Variants in CEP112 observed in about 807,000 individuals in gnomAD.
CEP112 encodes centrosomal protein 112.
A neutral mutation model predicts 153.0 loss-of-function variants in CEP112; 127 were observed. The ratio of observed to expected loss-of-function variants is 0.83; its 90% CI spans 0.72 to 0.96. The LOEUF (loss-of-function observed/expected upper bound fraction) is 0.96, where lower values mean the gene tolerates loss of function less well. Among genes scored for constraint, CEP112 ranks in the 40% least tolerant of loss-of-function variants. CEP112 has a pLI of 0.00. For synonymous variants in CEP112, 358 were observed against 374.4 expected (o/e 0.96, Z 0.51); for missense variants, 1,089 against 1,101.2 (o/e 0.99, Z 0.16).
chr17:65,965,532 T>G, intron 17 of CEP112, among the ~76,000 whole-genome samples: 1 of 149,902 alleles, frequency 6.7e-6, no homozygotes, highest in African/African-American at 2.5e-5. Flanking sequence ...TTTTTTTTTT[T>G]TTTTCTTTGA....
chr17:66,031,228 G>A (rs11655503), intron 12 of CEP112, among the ~76,000 whole-genome samples: 10,365 of 151,974 alleles, frequency 0.068, 363 homozygotes, highest in African/African-American at 0.075. Flanking sequence ...TATGTCCTGC[G>A]TATTCATTAA....
intron 23 of CEP112, among the ~76,000 whole-genome samples, chr17:65,707,825 CAAGGTG>C (rs2048993190): frequency 6.6e-6 from 1 of 152,154 alleles, no homozygotes; most frequent in Admixed American, 6.5e-5. Context: ...AGACAATGTG[CAAGGTG>C]AATCAGAACT....
At chr17:65,822,532 TTA>T (rs2056643338) in intron 21 of CEP112, among the ~76,000 whole-genome samples, 2 of 152,348 alleles carry the variant, frequency 1.3e-5, no homozygotes, top group African/African-American at 4.8e-5. Context: ...TGTTATATTG[TTA>T]TTTTTATATT....
At chr17:65,783,893 A>G (rs916613121) in intron 21 of CEP112, among the ~76,000 whole-genome samples, 4 of 152,234 alleles carry the variant, frequency 2.6e-5, no homozygotes, top group Non-Finnish European at 4.4e-5. Flanking sequence ...GCAGTAAAGC[A>G]TGTGGTTAAC....
intron 21 of CEP112, among the ~76,000 whole-genome samples, chr17:65,810,468 G>A (rs1453021173): frequency 6.6e-6 from 1 of 152,066 alleles, no homozygotes; most frequent in East Asian, 1.9e-4. Context: ...TAGTGTTCAA[G>A]ATAATGGAAT....
chr17:66,028,466 T>G, intron 14 of CEP112, 61 bp from the exon 15 acceptor site: 1 of 941,358 alleles, frequency 1.1e-6, no homozygotes, highest in Admixed American at 2.5e-5. Flanking sequence ...TATTATACTT[T>G]CTGATTGAAA....
intron 1 of CEP112, among the ~76,000 whole-genome samples, chr17:66,185,809 A>G (rs2072909317): frequency 6.6e-6 from 1 of 152,198 alleles, no homozygotes; most frequent in Non-Finnish European, 1.5e-5. Context: ...GTTCTGCCTC[A>G]TAAGCTATCT....
intron 16 of CEP112, among the ~76,000 whole-genome samples, chr17:66,013,136 T>A (rs1466006510): frequency 6.7e-6 from 1 of 149,062 alleles, no homozygotes; most frequent in Non-Finnish European, 1.5e-5. Context: ...TTTATTTTAT[T>A]CCTTATAATC....
chr17:66,179,936 A>G (rs230560), intron 2 of CEP112, among the ~76,000 whole-genome samples: 92 of 152,330 alleles, frequency 6.0e-4, no homozygotes, highest in African/African-American at 2.1e-3. Flanking sequence ...TCCAGCATTA[A>G]TTGAAATGAT....
At chr17:66,117,946 A>G (rs927356444) in intron 6 of CEP112, among the ~76,000 whole-genome samples, 3 of 152,206 alleles carry the variant, frequency 2.0e-5, no homozygotes, top group African/African-American at 7.2e-5. Flanking sequence ...AATGCAAATC[A>G]AAACCATAAT....
chr17:66,099,504 C>CAA lies in CEP112; in HGVS notation c.643-2874_643-2873dup, dbSNP rs71160532. ...GGGTGACAAGAATGAAACTCTGTCTCAAAAAAAAAAAAAAAAAAAAGAATA... is the reference window on the plus strand; with the variant it reads ...GGGTGACAAGAATGAAACTCTGTCTCAAAAAAAAAAAAAAAAAAAAAAGAATA... On this transcript the variant is annotated intron_variant, in intron 6 of 26. Coordinates refer to ENST00000535342, the MANE Select transcript of CEP112 (RefSeq NM_001199165.4). Among the ~76,000 whole-genome samples, 5,312 of 113,556 alleles carry CAA rather than the reference C, an allele frequency of 0.047. 663 individuals are homozygous for CAA. In the East Asian group the frequency reaches 0.57, roughly 12 times the overall value. The allele number at this position is 113,556 out of a possible 152,430, so 74.5% of individuals were successfully genotyped here. A position where few individuals can be genotyped will look rare whatever the true frequency, so the allele number is the denominator to read the frequency against.
rs143888305 is a variant in CEP112 at position 65,910,543 on chromosome 17, A to G, written c.1981-8209T>C. On this transcript the variant is annotated intron_variant, in intron 19 of 26. Coordinates refer to ENST00000535342, the MANE Select transcript of CEP112 (RefSeq NM_001199165.4). ...AAGAACATGAGTGTAATGAAAGAATAATGCAAGGATAACAAGATAAAACAA... is the reference window on the plus strand; with the variant it reads ...AAGAACATGAGTGTAATGAAAGAATGATGCAAGGATAACAAGATAAAACAA... Among the ~76,000 whole-genome samples the G allele has an allele frequency of 1.3e-3, 192 of 152,336 alleles. 3 individuals are homozygous for G. The Middle Eastern group carries it at 0.014, about 11-fold the overall frequency.
chr17:65,856,998 G>A (rs1284095173), intron 20 of CEP112, among the ~76,000 whole-genome samples: 2 of 152,176 alleles, frequency 1.3e-5, no homozygotes, highest in African/African-American at 4.8e-5. Context: ...CCTCAATAAA[G>A]CAAATATTGC....
At chr17:65,853,845 C>T (rs1223542908) in intron 20 of CEP112, among the ~76,000 whole-genome samples, 1 of 152,136 alleles carries the variant, frequency 6.6e-6, no homozygotes, top group African/African-American at 2.4e-5. Flanking sequence ...CTTCTAATTG[C>T]ACTGTGGCCA....
intron 21 of CEP112, among the ~76,000 whole-genome samples, chr17:65,772,872 G>C (rs2053457101): frequency 6.7e-6 from 1 of 150,354 alleles, no homozygotes; most frequent in Non-Finnish European, 1.5e-5. Context: ...TCCATAAGGA[G>C]GTGAATATTA....
chr17:65,870,924 T>A (rs1456121180), intron 20 of CEP112, among the ~76,000 whole-genome samples: 1 of 152,230 alleles, frequency 6.6e-6, no homozygotes, highest in African/African-American at 2.4e-5. Context: ...CCCTCTCCAC[T>A]TACTGTACTT....
At chr17:65,959,517 T>C (rs915447871) in intron 18 of CEP112, among the ~76,000 whole-genome samples, 4 of 152,228 alleles carry the variant, frequency 2.6e-5, no homozygotes, top group African/African-American at 9.6e-5. Context: ...GCTCGCCTTG[T>C]TGAAGGCAAA....
At chr17:66,017,162 T>C (rs2064808455) in intron 16 of CEP112, among the ~76,000 whole-genome samples, 1 of 152,230 alleles carries the variant, frequency 6.6e-6, no homozygotes, top group African/African-American at 2.4e-5. Context: ...GTAATTCCCT[T>C]AGTCTGTCTA....
chr17:65,997,782 C>G (rs1275342072), intron 17 of CEP112, among the ~76,000 whole-genome samples: 1 of 27,794 alleles, frequency 3.6e-5, no homozygotes, highest in Non-Finnish European at 1.1e-4. Context: ...ATACACACAC[C>G]CTAAACATCC....
Sources: gnomAD v4.1 joint callset for allele counts (sites outside exome capture counted in the v4.1 genomes callset) on GRCh38, gnomAD v4.1.1 for gene constraint, MANE v1.5 for transcripts, NCBI Gene and HGNC (gene_info 2026-07-23, HGNC 2026-07-21) for gene names.